The following MTMR9 variants were observed in gnomAD, a reference collection of about 807,000 sequenced individuals.
MTMR9 encodes myotubularin-related protein 9.
Under a neutral mutation model 69.5 loss-of-function variants are expected in MTMR9, and 39 were observed. That is an observed-to-expected ratio of 0.56 (90% CI 0.43 to 0.73). The LOEUF (loss-of-function observed/expected upper bound fraction) is 0.73, where lower values mean the gene tolerates loss of function less well. MTMR9 is among the 30% of genes least tolerant of loss of function. The pLI, the probability that MTMR9 is intolerant of heterozygous loss-of-function variation, is 0.00. For missense variants in MTMR9, 900 were observed against 671.2 expected (o/e 1.34, Z -3.77); for synonymous variants, 354 against 240.8 (o/e 1.47, Z -4.35).
intron 1 of MTMR9, among the ~76,000 whole-genome samples, chr8:11,290,591 T>G (rs1386709424): frequency 1.3e-5 from 2 of 152,202 alleles, no homozygotes; most frequent in African/African-American, 4.8e-5. Context: ...CTGTTCATTT[T>G]TAGGTCTTTA....
rs1800926998 is a variant in MTMR9, at chr8:11,326,311, T to C, written c.*3523T>C. On this transcript the variant is annotated 3_prime_UTR_variant, in exon 10 of 10. Transcript: ENST00000221086. ...GTTTTGGTATTTGCCCACTTCTAGATAGAATGAATGAAAACAACACAAGCG... is the reference window on the plus strand; with the variant it reads ...GTTTTGGTATTTGCCCACTTCTAGACAGAATGAATGAAAACAACACAAGCG... 6.6e-6 allele frequency: 1 copy of C among 152,186 alleles called. No homozygotes were observed. The highest frequency in any genetic ancestry group is 2.4e-5 in the African/African-American group (1 of 41,452). 9.4% of individuals were successfully genotyped at this position (152,186 alleles called of 1,614,324 possible).
At chr8:11,317,022 C>G in intron 8 of MTMR9, 129 bp downstream of exon 8, 1 of 538,710 alleles carries the variant, frequency 1.9e-6, no homozygotes, top group African/African-American at 1.9e-5. Flanking sequence ...GTAGAGGCTA[C>G]AGTTAATTAT....
intron 5 of MTMR9, 89 bp downstream of exon 5, chr8:11,306,496 A>T: frequency 8.5e-7 from 1 of 1,182,710 alleles, no homozygotes. Context: ...CAAGTGCTCA[A>T]ATTAACTTCT....
rs1420048295 is a variant in MTMR9 at position 11,328,093 on chromosome 8, T to A, written c.*5305T>A. The A allele has an allele frequency of 6.6e-6, 1 of 152,196 alleles. No homozygotes were observed. Among genetic ancestry groups the A allele is most frequent in the Non-Finnish European group, 1.5e-5 (1 of 68,022 alleles). The allele number at this position is 152,196 out of a possible 1,614,324, so 9.4% of individuals were successfully genotyped here. A position where few individuals can be genotyped will look rare whatever the true frequency, so the allele number is the denominator to read the frequency against. ...GTTGCACAGATGGCTAGTGTTAAAT[T>A]TCTATAGACGATGGTAATAAAATCT... On this transcript the variant is annotated 3_prime_UTR_variant, in exon 10 of 10. Coordinates refer to ENST00000221086, the MANE Select transcript of MTMR9 (RefSeq NM_015458.4).
Position 11,289,426 on chromosome 8 carries a change from A to T in MTMR9, c.182+4356A>T, listed in dbSNP as rs191658637. Among the ~76,000 whole-genome samples, 453 of 152,218 alleles carry T rather than the reference A, an allele frequency of 3.0e-3. 1 individual carries two copies. The highest frequency in any genetic ancestry group is 0.011 in the African/African-American group (446 of 41,530). ...GAATACTTTCATATATATCGCTTACATCATTTTATTTGATCCTTTCAACAT... is the reference window on the plus strand; with the variant it reads ...GAATACTTTCATATATATCGCTTACTTCATTTTATTTGATCCTTTCAACAT... On this transcript the variant is annotated intron_variant, in intron 1 of 9. Transcript: ENST00000221086.
At chr8:11,332,049 G>T (rs1332289805), downstream of MTMR9, 42 of 1,611,858 alleles carry the variant, frequency 2.6e-5, no homozygotes, top group Non-Finnish European at 3.5e-5. Context: ...GGGGGCAGGG[G>T]TTGTGCTGGG....
intron 6 of MTMR9, among the ~76,000 whole-genome samples, chr8:11,312,788 A>G: frequency 6.6e-6 from 1 of 152,172 alleles, no homozygotes; most frequent in East Asian, 1.9e-4. Flanking sequence ...TTAAAATAAA[A>G]CTTGAAAGCT....
the MTMR9 span, among the ~76,000 whole-genome samples, chr8:11,334,831 G>A: frequency 1.2e-4 from 19 of 152,110 alleles, no homozygotes; most frequent in Admixed American, 1.2e-3. Flanking sequence ...ACAGACTAAA[G>A]AAGAAAAACC....
At chr8:11,330,752 C>G (rs918106104), downstream of MTMR9, 4 of 396,382 alleles carry the variant, frequency 1.0e-5, no homozygotes, top group East Asian at 1.7e-4. Flanking sequence ...ACTCCCTAAT[C>G]TCAAGTACCC....
chr8:11,306,316 A>C lies in MTMR9; in HGVS notation c.718A>C (p.Asn240His). ...CTACATCATTGACACCCGATCCCTG[A>C]ACGTGGCTCAGCAAACTAGAGCCAA... ...RGYIIDTRSL[N>H]VAQQTRAKGG... The change falls in exon 5 of 10, where the codon AAC (asparagine) becomes CAC (histidine). Residue 240 changes from asparagine (N) to histidine (H), a missense_variant. Physicochemically the swap from Asn to His is moderately conservative, Grantham distance 68. Coordinates refer to ENST00000221086, the MANE Select transcript of MTMR9 (RefSeq NM_015458.4). The C allele has an allele frequency of 6.2e-7, 1 of 1,614,096 alleles. No individual in the cohort carries two copies. Among genetic ancestry groups the C allele is most frequent in the Non-Finnish European group, 8.5e-7 (1 of 1,179,968 alleles).
intron 3 of MTMR9, 153 bp downstream of exon 3, chr8:11,300,301 A>C: frequency 1.3e-6 from 1 of 753,428 alleles, no homozygotes; most frequent in Non-Finnish European, 2.1e-6. Flanking sequence ...AGCCATGCAG[A>C]GTATGATCTC....
Position 11,326,174 on chromosome 8 carries a change from G to C in MTMR9, c.*3386G>C, listed in dbSNP as rs1563291713. 6.6e-6 allele frequency: 1 copy of C among 152,202 alleles called. No homozygotes were observed. The highest frequency in any genetic ancestry group is 1.5e-5 in the Non-Finnish European group (1 of 68,036). The allele number at this position is 152,202 out of a possible 1,614,324, so 9.4% of individuals were successfully genotyped here. On this transcript the variant is annotated 3_prime_UTR_variant, in exon 10 of 10. Transcript: ENST00000221086. Reference sequence around the variant, plus strand: ...TGTTTCGTTGCACTTTGAAAGATCTGCTTCAAGGCATAACTCGTGTAGTTG... The same window carrying C: ...TGTTTCGTTGCACTTTGAAAGATCTCCTTCAAGGCATAACTCGTGTAGTTG...
chr8:11,293,113 C>T (rs1036409705), intron 1 of MTMR9, among the ~76,000 whole-genome samples: 2 of 152,144 alleles, frequency 1.3e-5, no homozygotes, highest in African/African-American at 4.8e-5. Context: ...ATTAATATTT[C>T]CCCTGAAGAC....
chr8:11,306,030 T>C (rs1317409343), intron 4 of MTMR9, among the ~76,000 whole-genome samples, 160 bp from the exon 5 acceptor site: 1 of 152,248 alleles, frequency 6.6e-6, no homozygotes, highest in Non-Finnish European at 1.5e-5. Flanking sequence ...TTATTAACTA[T>C]TGTCAATACA....
chr8:11,299,914 GGGT>G (rs1490363301), intron 2 of MTMR9, 106 bp from the exon 3 acceptor site: 2 of 1,241,024 alleles, frequency 1.6e-6, no homozygotes, highest in African/African-American at 3.0e-5. Flanking sequence ...GAAACATTCT[GGGT>G]GCCCATCATT....
At chr8:11,299,865 A>C (rs920648659) in intron 2 of MTMR9, among the ~76,000 whole-genome samples, 158 bp from the exon 3 acceptor site, 4 of 152,218 alleles carry the variant, frequency 2.6e-5, no homozygotes, top group African/African-American at 9.6e-5. Flanking sequence ...CAGCTTCAGT[A>C]AGACTAAAAT....
rs1800750813 is a variant in MTMR9 at position 11,322,702 on chromosome 8, A to G, written c.1564A>G (p.Asn522Asp). The G allele has an allele frequency of 4.3e-6, 7 of 1,613,998 alleles. No homozygotes were observed. Among genetic ancestry groups the G allele is most frequent in the South Asian group, 1.1e-5 (1 of 91,074 alleles). ...YEEMVNIIEY[N>D]KELQAKVNIL... The stretch of plus-strand genomic sequence containing the variant: ...AGAAATGGTTAACATCATTGAATAT[A>G]ATAAAGAATTACAAGCAAAAGTCAA... Residue 522 changes from asparagine to aspartate, a missense_variant, in exon 10 of 10, where the codon AAT becomes GAT. By Grantham distance (23) the Asn-to-Asp change is conservative. Coordinates refer to ENST00000221086, the MANE Select transcript of MTMR9 (RefSeq NM_015458.4).
intron 1 of MTMR9, among the ~76,000 whole-genome samples, chr8:11,290,356 T>G (rs547848180): frequency 5.9e-5 from 9 of 152,312 alleles, no homozygotes; most frequent in Non-Finnish European, 1.0e-4. Context: ...GTATACTCTG[T>G]GGGTGTTCAT....
At chr8:11,312,957 G>A (rs188814048) in intron 6 of MTMR9, among the ~76,000 whole-genome samples, 1 of 152,366 alleles carries the variant, frequency 6.6e-6, no homozygotes, top group East Asian at 1.9e-4. Flanking sequence ...CTTCTGAGCA[G>A]TAGGTCTCAA....
Sources: gnomAD v4.1 joint callset for allele counts (sites outside exome capture counted in the v4.1 genomes callset) on GRCh38, gnomAD v4.1.1 for gene constraint, MANE v1.5 for transcripts, NCBI Gene and HGNC (gene_info 2026-07-23, HGNC 2026-07-21) for gene names.